The following ITGA5 variants were observed in gnomAD, a reference collection of about 807,000 sequenced individuals.
The protein encoded by ITGA5 is integrin alpha-5.
ITGA5 carries 55 observed loss-of-function variants against 146.3 expected under a neutral mutation model. The observed-to-expected ratio is 0.38, with a 90% CI of 0.30 to 0.47. The LOEUF (loss-of-function observed/expected upper bound fraction) is 0.47. ITGA5 is among the 20% of genes least tolerant of loss of function. The probability of loss-of-function intolerance (pLI) is 0.99; values close to 1 mark genes in which losing one functional copy is unlikely to be tolerated. For missense variants in ITGA5, 1,131 were observed against 1,329.0 expected (o/e 0.85, Z 2.32); for synonymous variants, 500 against 531.8 (o/e 0.94, Z 0.82).
Position 54,409,596 on chromosome 12 carries a change from G to A in ITGA5, c.351C>T (p.Gly117=). 1 of 1,608,236 alleles carries A rather than the reference G, an allele frequency of 6.2e-7. No individual in the cohort carries two copies. Among genetic ancestry groups the A allele is most frequent in the African/African-American group, 1.3e-5 (1 of 74,942 alleles). ...QCTPIEFDSK[G]SRLLESSLSS... is the part of the protein sequence containing the mutation. ...ACAGTGAGGACTCCAGGAGCCGAGA[G>A]CCTTGTGGAAGTGAGAAGGGGGAGT... The change falls in exon 3 of 30, where the codon GGC becomes GGT. Residue 117 remains glycine, a splice_region_variant and synonymous_variant. Coordinates refer to ENST00000293379, the MANE Select transcript of ITGA5 (RefSeq NM_002205.5). The surrounding 1 kb of genome is among the most constrained non-coding windows in gnomAD (Gnocchi z 4.7).
At chr12:54,412,099 C>T (rs1050699346) in intron 1 of ITGA5, 135 bp from the exon 2 acceptor site, 1 of 633,608 alleles carries the variant, frequency 1.6e-6, no homozygotes, top group Admixed American at 3.9e-5. Context: ...GTATTTATAT[C>T]TCAGAAGATG....
intron 10 of ITGA5, 44 bp downstream of exon 10, chr12:54,405,826 G>A (rs769424290): frequency 2.5e-5 from 40 of 1,604,276 alleles, no homozygotes; most frequent in Middle Eastern, 3.3e-4. Context: ...CTGGGGCTTC[G>A]TTGACAGAGG....
intron 28 of ITGA5, among the ~76,000 whole-genome samples, chr12:54,397,901 C>A (rs1031798992): frequency 6.7e-6 from 1 of 149,334 alleles, no homozygotes; most frequent in Non-Finnish European, 1.5e-5. Context: ...ATATCATATC[C>A]ATTTTTTTTT....
At chr12:54,413,924 A>G (rs939206575) in intron 1 of ITGA5, among the ~76,000 whole-genome samples, 1 of 152,224 alleles carries the variant, frequency 6.6e-6, no homozygotes, top group African/African-American at 2.4e-5. Flanking sequence ...CAATTTCTCC[A>G]ACACCCACTG....
intron 28 of ITGA5, 42 bp from the exon 29 acceptor site, chr12:54,397,529 T>A (rs1245205602): frequency 1.4e-5 from 22 of 1,611,400 alleles, no homozygotes; most frequent in Non-Finnish European, 1.9e-5. Context: ...GCTCAGAAGT[T>A]CTTTCTACCC....
At position 54,410,531 on chromosome 12, in the gene ITGA5, A is replaced by C. The variant is rs533567065; in HGVS notation, c.350-934T>G. 1.1e-3 allele frequency among the ~76,000 whole-genome samples: 164 copies of C among 151,030 alleles called. 2 individuals carry two copies. Among genetic ancestry groups the C allele is most frequent in the African/African-American group, 3.8e-3 (158 of 41,120 alleles). ...TTTTTTGTACAGATGGGGTTTTGCCATGTTGACCAGGTTTATTTTAATTTT... is the reference window on the plus strand; with the variant it reads ...TTTTTTGTACAGATGGGGTTTTGCCCTGTTGACCAGGTTTATTTTAATTTT... On this transcript the variant is annotated intron_variant, in intron 2 of 29. Coordinates refer to ENST00000293379, the MANE Select transcript of ITGA5 (RefSeq NM_002205.5).
At chr12:54,417,034 C>A (rs1956015496) in intron 1 of ITGA5, among the ~76,000 whole-genome samples, 1 of 151,972 alleles carries the variant, frequency 6.6e-6, no homozygotes. Context: ...TAGAATGTTC[C>A]ACTGTAAGAG....
At position 54,403,130 on chromosome 12, in the gene ITGA5, C is replaced by T. The variant is rs556453295; in HGVS notation, c.1914+57G>A. 1 of 1,596,876 alleles carries T rather than the reference C, an allele frequency of 6.3e-7. No individual in the cohort carries two copies. Among genetic ancestry groups the T allele is most frequent in the Non-Finnish European group, 8.5e-7 (1 of 1,171,446 alleles). On this transcript the variant is annotated intron_variant, in intron 18 of 29. Transcript: ENST00000293379. This position sits in a 1 kb window ranked among gnomAD's most constrained non-coding sequence, Gnocchi z 4.9. Reference sequence around the variant, plus strand: ...GGCTCTTCTCTTTCCATGGCCCTGCCCCCCCAATACCCAGGCCTCTGTCTT... The same window carrying T: ...GGCTCTTCTCTTTCCATGGCCCTGCTCCCCCAATACCCAGGCCTCTGTCTT...
intron 27 of ITGA5, 24 bp downstream of exon 27, chr12:54,399,621 A>G (rs370583307): frequency 7.7e-6 from 12 of 1,553,452 alleles, no homozygotes; most frequent in Non-Finnish European, 1.1e-5. Flanking sequence ...GTCAGGGGTC[A>G]GGGCTGAGGT....
intron 28 of ITGA5, among the ~76,000 whole-genome samples, chr12:54,398,118 G>C (rs1955736890): frequency 6.6e-6 from 1 of 152,120 alleles, no homozygotes; most frequent in Admixed American, 6.5e-5. Flanking sequence ...GGTTGATCTT[G>C]AACTTCTGAG....
At position 54,399,934 on chromosome 12, in the gene ITGA5, C is replaced by T. The variant is rs1955765432; in HGVS notation, c.2657G>A (p.Gly886Asp). 6.2e-7 allele frequency: 1 copy of T among 1,613,856 alleles called. No individual in the cohort carries two copies. Among genetic ancestry groups the T allele is most frequent in the Non-Finnish European group, 8.5e-7 (1 of 1,179,762 alleles). Residue 886 changes from glycine (G) to aspartate (D), a missense_variant, in exon 26 of 30, where the codon GGT (glycine) becomes GAT (aspartate). Physicochemically the swap from Gly to Asp is moderately conservative, Grantham distance 94. This residue lies in a region of ITGA5 where 889 missense variants were observed against 1,021.5 expected (regional missense o/e 0.87). Coordinates refer to ENST00000293379, the MANE Select transcript of ITGA5 (RefSeq NM_002205.5). ...CCGTTTTTGCTGGTGGTGCAGGGAACCCTCGGGATCCAACTATAAAAGAAA... is the reference window on the plus strand; with the variant it reads ...CCGTTTTTGCTGGTGGTGCAGGGAATCCTCGGGATCCAACTATAAAAGAAA... ...NPKGLELDPE[G>D]SLHHQQKREA...
At chr12:54,399,569 TG>T in intron 27 of ITGA5, 75 bp downstream of exon 27, 1 of 1,000,390 alleles carries the variant, frequency 1.0e-6, no homozygotes, top group Non-Finnish European at 1.6e-6. Context: ...AGGTGGCTAC[TG>T]CAGTGGAGAA....
chr12:54,397,101 G>A (rs914688288), intron 29 of ITGA5, among the ~76,000 whole-genome samples: 8 of 152,278 alleles, frequency 5.3e-5, no homozygotes, highest in Admixed American at 3.3e-4. Context: ...CAAATGCCAC[G>A]TATTTGTCAT....
chr12:54,407,517 G>T, intron 9 of ITGA5, 132 bp downstream of exon 9: 1 of 753,398 alleles, frequency 1.3e-6, no homozygotes, highest in Non-Finnish European at 2.4e-6. Flanking sequence ...GTAAGTGCCA[G>T]AACTTGAATG....
intron 1 of ITGA5, among the ~76,000 whole-genome samples, chr12:54,414,113 T>C (rs918517371): frequency 6.6e-6 from 1 of 152,242 alleles, no homozygotes; most frequent in East Asian, 1.9e-4. Context: ...GACACAGACC[T>C]AGGCCTCCTT....
At chr12:54,411,191 G>A (rs1955939480) in intron 2 of ITGA5, among the ~76,000 whole-genome samples, 1 of 152,228 alleles carries the variant, frequency 6.6e-6, no homozygotes, top group Admixed American at 6.5e-5. Flanking sequence ...GAGACAGATG[G>A]CCCTAGTTCA....
At position 54,405,351 on chromosome 12, in the gene ITGA5, G is replaced by A. The variant is rs765804292; in HGVS notation, c.1040C>T (p.Ala347Val). 2.5e-6 allele frequency: 4 copies of A among 1,607,886 alleles called. No homozygotes were observed. Among genetic ancestry groups the A allele is most frequent in the South Asian group, 1.1e-5 (1 of 90,800 alleles). Residue 347 changes from alanine to valine, a missense_variant, in exon 12 of 30, where the codon GCA becomes GTA. Around this residue, in one of 3 missense-constraint regions of ITGA5, gnomAD observed 889 missense variants for 1,021.5 expected, o/e 0.87. Coordinates refer to ENST00000293379, the MANE Select transcript of ITGA5 (RefSeq NM_002205.5). ...AGGGGTCCGATCCATGAGCAGGGGT[G>A]CCCCCACCAGCAAGTCATCCAGCCT... ...GDGLDDLLVGAPLLMDRTPDG... is the reference protein window; with the variant it reads ...GDGLDDLLVGVPLLMDRTPDG...
In ITGA5 at chr12:54,399,687, A is replaced by G; in HGVS notation, c.2799T>C (p.Ser933=). ...LGPLHQQESQ[S]LQLHFRVWAK... Reference sequence around the variant, plus strand: ...CCCAGACTCGGAAATGCAACTGCAGACTTTGGCTCTCTTGTTGGTGCAGGG... The same window carrying G: ...CCCAGACTCGGAAATGCAACTGCAGGCTTTGGCTCTCTTGTTGGTGCAGGG... The change falls in exon 27 of 30, where the codon AGT becomes AGC. Residue 933 remains serine (S), a synonymous_variant. Coordinates refer to ENST00000293379, the MANE Select transcript of ITGA5 (RefSeq NM_002205.5). 6.2e-7 allele frequency: 1 copy of G among 1,614,228 alleles called. No homozygotes were observed.
rs369775256 is a variant in ITGA5, at chr12:54,417,593, C to T, written c.218+1388G>A. Among the ~76,000 whole-genome samples, 25 of 152,262 alleles carry T rather than the reference C, an allele frequency of 1.6e-4. No individual in the cohort carries two copies. In the East Asian group the frequency reaches 4.1e-3, roughly 25 times the overall value. On this transcript the variant is annotated intron_variant, in intron 1 of 29. Transcript: ENST00000293379. ...TCCAGACAAAGGAGAATTTGCCTTTCTCCCCAGTTGTATTAGCTAGATTAA... is the reference window on the plus strand; with the variant it reads ...TCCAGACAAAGGAGAATTTGCCTTTTTCCCCAGTTGTATTAGCTAGATTAA...
Sources: allele counts gnomAD v4.1 joint callset (sites outside exome capture counted in the v4.1 genomes callset), GRCh38; gene constraint gnomAD v4.1.1; regional missense constraint gnomAD v4.1.1; non-coding constraint Gnocchi (gnomAD v3.1); transcripts MANE v1.5; gene names NCBI Gene and HGNC (gene_info 2026-07-23, HGNC 2026-07-21).